FAT1: variants seen among roughly 807,000 people sequenced by gnomAD.
FAT1 encodes the protein protocadherin Fat 1.
Under a neutral mutation model 329.8 loss-of-function variants are expected in FAT1, and 171 were observed. That is an observed-to-expected ratio of 0.52 (90% CI 0.46 to 0.59). FAT1 has a LOEUF of 0.59. Among genes scored for constraint, FAT1 ranks in the 20% least tolerant of loss-of-function variants. The pLI, the probability that FAT1 is intolerant of heterozygous loss-of-function variation, is 0.00. For missense variants in FAT1, 5,672 were observed against 5,774.4 expected, an observed-to-expected ratio of 0.98 and a Z score of 0.57; for synonymous variants, 2,233 against 2,228.6, an observed-to-expected ratio of 1.00 and a Z score of -0.06.
intron 26 of FAT1, among the ~76,000 whole-genome samples, chr4:186,591,701 C>T (rs1297745447): frequency 6.6e-6 from 1 of 152,154 alleles, no homozygotes; most frequent in African/African-American, 2.4e-5. Context: ...CTGATTTGCC[C>T]AGTGAAAACA....
At chr4:186,614,149 G>A in intron 12 of FAT1, 42 bp downstream of exon 12, 1 of 1,538,264 alleles carries the variant, frequency 6.5e-7, no homozygotes, top group Non-Finnish European at 8.8e-7. Context: ...ATATGATACT[G>A]TTGGAATATA....
Position 186,588,525 on chromosome 4 carries a change from A to G in FAT1, c.*67T>C. The stretch of plus-strand genomic sequence containing the variant: ...AAAGCTTGGAAGCACTGCTGCAAAG[A>G]ACAGCGCGGATTACTCACATCACCT... On this transcript the variant is annotated 3_prime_UTR_variant, in exon 27 of 27. Transcript: ENST00000441802. 1 of 1,526,804 alleles carries G rather than the reference A, an allele frequency of 6.5e-7. No individual in the cohort carries two copies. The highest frequency in any genetic ancestry group is 8.8e-7 in the Non-Finnish European group (1 of 1,140,358). The allele number at this position is 1,526,804 out of a possible 1,614,324, so 94.6% of individuals were successfully genotyped here. A position where few individuals can be genotyped will look rare whatever the true frequency, so the allele number is the denominator to read the frequency against.
In FAT1 at chr4:186,609,858, T is replaced by C. The variant is rs780776816; in HGVS notation, c.10011A>G (p.Gln3337=). ...CACTGATGACTGTCGTGTAGGTGTC[T>C]TGGCTGAACACAGGGGTATTATCGT... ...DINDNTPVFS[Q]DTYTTVISED... The change falls in exon 15 of 27, where the codon CAA becomes CAG. Residue 3337 remains glutamine (Q), a synonymous_variant. Coordinates refer to ENST00000441802, the MANE Select transcript of FAT1 (RefSeq NM_005245.4). 5 of 1,613,636 alleles carry C rather than the reference T, an allele frequency of 3.1e-6. No individual in the cohort carries two copies. The highest frequency in any genetic ancestry group is 4.2e-6 in the Non-Finnish European group (5 of 1,179,730).
At chr4:186,694,818 C>T (rs562265005) in intron 2 of FAT1, among the ~76,000 whole-genome samples, 1 of 152,230 alleles carries the variant, frequency 6.6e-6, no homozygotes, top group South Asian at 2.1e-4. Context: ...AAAAATTAGC[C>T]AGGCATGATG....
chr4:186,639,803 C>G lies in FAT1; in HGVS notation c.3581-20G>C, dbSNP rs759380896. 2 of 1,588,222 alleles carry G rather than the reference C, an allele frequency of 1.3e-6. No homozygotes were observed. Among genetic ancestry groups the G allele is most frequent in the Non-Finnish European group, 1.7e-6 (2 of 1,160,948 alleles). ...TGAGACCTGTAAAATGATAACAGTT[C>G]ATTAATCCTCACAAAATAAGGTCAA... On this transcript the variant is annotated intron_variant, in intron 3 of 26. Transcript: ENST00000441802.
chr4:186,655,947 C>T (rs6553016), intron 3 of FAT1, among the ~76,000 whole-genome samples: 54,955 of 152,196 alleles, frequency 0.36, 10,286 homozygotes, highest in Middle Eastern at 0.43. Flanking sequence ...GTACGACCGC[C>T]AGTACCTGAA....
chr4:186,644,617 G>A (rs79120751), intron 3 of FAT1, among the ~76,000 whole-genome samples: 189 of 152,256 alleles, frequency 1.2e-3, no homozygotes, highest in African/African-American at 4.3e-3. Context: ...GCCTTTCAAC[G>A]CCACTTAGAC....
intron 3 of FAT1, among the ~76,000 whole-genome samples, chr4:186,645,172 G>A (rs952808433): frequency 5.3e-5 from 8 of 151,656 alleles, no homozygotes; most frequent in Admixed American, 5.3e-4. Flanking sequence ...TGAGGCCACC[G>A]AGGACCAGCT....
At position 186,602,956 on chromosome 4, in the gene FAT1, C is replaced by G; in HGVS notation, c.11429G>C (p.Trp3810Ser). 1 of 1,614,010 alleles carries G rather than the reference C, an allele frequency of 6.2e-7. No individual in the cohort carries two copies. Among genetic ancestry groups the G allele is most frequent in the Non-Finnish European group, 8.5e-7 (1 of 1,179,888 alleles). The change falls in exon 20 of 27, where the codon TGG (tryptophan) becomes TCG (serine). Residue 3810 changes from tryptophan (W) to serine (S), a missense_variant. Transcript: ENST00000441802. ...PEGSECVSDPWEEKHTCVCPS... is the reference protein window; with the variant it reads ...PEGSECVSDPSEEKHTCVCPS... ...ACAGACACAGGTGTGTTTCTCCTCCCAGGGATCAGACACACATTCGGATCC... is the reference window on the plus strand; with the variant it reads ...ACAGACACAGGTGTGTTTCTCCTCCGAGGGATCAGACACACATTCGGATCC...
rs373411350 is a variant in FAT1 at position 186,708,631 on chromosome 4, C to T, written c.1197G>A (p.Arg399=). 247 of 1,613,724 alleles carry T rather than the reference C, an allele frequency of 1.5e-4. No homozygotes were observed. Among genetic ancestry groups the T allele is most frequent in the Non-Finnish European group, 2.0e-4 (234 of 1,179,878 alleles). ...VKAIPAYSHL[R]YVFKSTPGKA... ...TTCCAGGTGTACTTTTAAAAACATA[C>T]CTCAAATGGGAATAAGCAGGAATGG... is the stretch of plus-strand genomic sequence containing the variant. The change falls in exon 2 of 27, where the codon AGG becomes AGA. Residue 399 remains arginine, a synonymous_variant. Coordinates refer to ENST00000441802, the MANE Select transcript of FAT1 (RefSeq NM_005245.4).
intron 3 of FAT1, among the ~76,000 whole-genome samples, chr4:186,648,271 C>G (rs1741472427): frequency 6.6e-6 from 1 of 152,108 alleles, no homozygotes; most frequent in South Asian, 2.1e-4. Context: ...GGGCATATTA[C>G]TCAAATAAAT....
chr4:186,628,881 G>C, intron 7 of FAT1, 118 bp from the exon 8 acceptor site: 6 of 997,834 alleles, frequency 6.0e-6, no homozygotes, highest in Non-Finnish European at 8.6e-6. Context: ...AATAAAATAC[G>C]AGAAAGGCAA....
chr4:186,692,793 G>A (rs141182644), intron 2 of FAT1, among the ~76,000 whole-genome samples: 3 of 152,186 alleles, frequency 2.0e-5, no homozygotes, highest in Non-Finnish European at 4.4e-5. Context: ...AAATCAATGA[G>A]ATAGTTTGTG....
intron 2 of FAT1, among the ~76,000 whole-genome samples, chr4:186,691,207 A>G (rs905971306): frequency 3.3e-5 from 5 of 152,222 alleles, no homozygotes; most frequent in African/African-American, 1.2e-4. Context: ...AAGTGGTTTC[A>G]TGGTCTACTC....
At position 186,706,955 on chromosome 4, in the gene FAT1, T is replaced by C. The variant is rs766785333; in HGVS notation, c.2873A>G (p.Gln958Arg). The C allele has an allele frequency of 6.2e-7, 1 of 1,614,042 alleles. No individual in the cohort carries two copies. Among genetic ancestry groups the C allele is most frequent in the South Asian group, 1.1e-5 (1 of 91,080 alleles). ...AAGGCTGTATCTCACCTGACCAGAC[T>C]GACCTAAATCAGGATCGTGGGCTTC... ...WLEAHDPDLG[Q>R]SGQVRYSLLD... Residue 958 changes from glutamine (Q) to arginine (R), a missense_variant, in exon 2 of 27, where the codon CAG (glutamine) becomes CGG (arginine). Physicochemically the swap from Gln to Arg is conservative, Grantham distance 43. This residue lies in a region of FAT1 where 3,966 missense variants were observed against 3,915.2 expected (regional missense o/e 1.01). Coordinates refer to ENST00000441802, the MANE Select transcript of FAT1 (RefSeq NM_005245.4).
chr4:186,614,493 T>A (rs1739611917), intron 11 of FAT1, 149 bp from the exon 12 acceptor site: 1 of 566,250 alleles, frequency 1.8e-6, no homozygotes, highest in Non-Finnish European at 2.8e-6. Flanking sequence ...TTGAAAACGA[T>A]TTTTCTCATA....
chr4:186,647,190 A>G lies in FAT1; in HGVS notation c.3581-7407T>C, dbSNP rs147461677. Among the ~76,000 whole-genome samples, 118 of 152,306 alleles carry G rather than the reference A, an allele frequency of 7.7e-4. 2 individuals are homozygous for G. In the East Asian group the frequency reaches 0.021, roughly 27 times the overall value. ...TAAGGAAACAACTACCACATGTAAA[A>G]GGCAGAGGTGAATATTAAACTGTCC... On this transcript the variant is annotated intron_variant, in intron 3 of 26. Transcript: ENST00000441802.
intron 2 of FAT1, among the ~76,000 whole-genome samples, chr4:186,682,604 A>G (rs1343657476): frequency 6.6e-6 from 1 of 152,132 alleles, no homozygotes; most frequent in Non-Finnish European, 1.5e-5. Context: ...TTTGAACTAA[A>G]AACATGCTTC....
intron 2 of FAT1, among the ~76,000 whole-genome samples, chr4:186,666,083 G>A (rs1221962821): frequency 1.3e-5 from 2 of 151,446 alleles, no homozygotes; most frequent in African/African-American, 4.9e-5. Flanking sequence ...TATACCTAAT[G>A]TAAATGATGA....
Sources: allele counts gnomAD v4.1 joint callset (sites outside exome capture counted in the v4.1 genomes callset), GRCh38; gene constraint gnomAD v4.1.1; regional missense constraint gnomAD v4.1.1; transcripts MANE v1.5; gene names NCBI Gene and HGNC (gene_info 2026-07-23, HGNC 2026-07-21).